UBE2W: variants seen among roughly 807,000 people sequenced by gnomAD.
UBE2W encodes the protein ubiquitin conjugating enzyme E2 W, also known as ubiquitin-conjugating enzyme E2 W.
Under a neutral mutation model 27.2 loss-of-function variants are expected in UBE2W, and 18 were observed. The observed-to-expected ratio is 0.66, with a 90% CI of 0.46 to 0.98. UBE2W has a LOEUF of 0.98. Among genes scored for constraint, UBE2W ranks in the 50% least tolerant of loss-of-function variants. The probability of loss-of-function intolerance (pLI) is 0.00; values close to 1 mark genes in which losing one functional copy is unlikely to be tolerated. For synonymous variants in UBE2W, 53 were observed against 57.2 expected (o/e 0.93, Z 0.33); for missense variants, 90 against 180.2 (o/e 0.50, Z 2.87).
intron 1 of UBE2W, among the ~76,000 whole-genome samples, chr8:73,859,726 T>C (rs554470340): frequency 3.3e-5 from 5 of 152,312 alleles, no homozygotes; most frequent in African/African-American, 1.2e-4. Flanking sequence ...TGGCTTCCTG[T>C]TGTTCAAGGG....
chr8:73,809,182 G>A (rs1301456621), intron 4 of UBE2W, among the ~76,000 whole-genome samples: 1 of 151,978 alleles, frequency 6.6e-6, no homozygotes, highest in Non-Finnish European at 1.5e-5. Context: ...AGCAACAAAT[G>A]AGTAAAAAAA....
Position 73,810,648 on chromosome 8 carries a change from C to A in UBE2W, c.211-19G>T. The A allele has an allele frequency of 6.6e-7, 1 of 1,515,676 alleles. No homozygotes were observed. The highest frequency in any genetic ancestry group is 1.3e-5 in the South Asian group (1 of 76,918). 93.9% of individuals were successfully genotyped at this position (1,515,676 alleles called of 1,614,324 possible). On this transcript the variant is annotated intron_variant, in intron 3 of 5. Transcript: ENST00000602593. ...ACATGACCTAAGAGAGAATAAAATT[C>A]CATTAAAACTCAAATATTCTCTACT...
chr8:73,803,251 G>A (rs903946706), intron 5 of UBE2W, among the ~76,000 whole-genome samples: 5 of 151,842 alleles, frequency 3.3e-5, no homozygotes, highest in Admixed American at 1.3e-4. Context: ...TACAAATACT[G>A]AACCCACAAG....
At chr8:73,794,433 G>T (rs558718189) in intron 5 of UBE2W, among the ~76,000 whole-genome samples, 19 of 152,102 alleles carry the variant, frequency 1.2e-4, no homozygotes, top group African/African-American at 4.6e-4. Flanking sequence ...TTATTTTATG[G>T]GCAACAAGTT....
At position 73,845,118 on chromosome 8, in the gene UBE2W, G is replaced by A. The variant is rs948202870; in HGVS notation, c.16-14646C>T. On this transcript the variant is annotated intron_variant, in intron 1 of 5. Coordinates refer to ENST00000602593, the MANE Select transcript of UBE2W (RefSeq NM_018299.6). Reference sequence around the variant, plus strand: ...GGGGGGCAGCCCCCGCCTGGCCGCCGCCCCGTCTGGGAGGTGGTGGGCGCC... The same window carrying A: ...GGGGGGCAGCCCCCGCCTGGCCGCCACCCCGTCTGGGAGGTGGTGGGCGCC... Among the ~76,000 whole-genome samples, 29 of 32,244 alleles carry A rather than the reference G, an allele frequency of 9.0e-4. 1 individual carries two copies. The highest frequency in any genetic ancestry group is 6.5e-3 in the South Asian group (5 of 768). The allele number at this position is 32,244 out of a possible 152,430, so 21.2% of individuals were successfully genotyped here. A position where few individuals can be genotyped will look rare whatever the true frequency, so the allele number is the denominator to read the frequency against.
chr8:73,851,011 C>T (rs970890416), intron 1 of UBE2W, among the ~76,000 whole-genome samples: 1 of 151,890 alleles, frequency 6.6e-6, no homozygotes, highest in African/African-American at 2.4e-5. Context: ...AGGCATGCAC[C>T]ACCACACCCT....
chr8:73,805,472 C>CAAAAAAAAAAAAACAAAAAAAAAA, intron 5 of UBE2W, among the ~76,000 whole-genome samples, 179 bp downstream of exon 5: 1 of 43,676 alleles, frequency 2.3e-5, no homozygotes, highest in African/African-American at 6.0e-5. Context: ...AAAAAAAAAA[C>CAAAAAAAAAAAAACAAAAAAAAAA]AAAAAAAACT....
chr8:73,874,018 A>C (rs986363864), intron 1 of UBE2W, among the ~76,000 whole-genome samples: 3 of 152,254 alleles, frequency 2.0e-5, no homozygotes, highest in Non-Finnish European at 2.9e-5. Context: ...TATATGTTAA[A>C]ATTGCTAACT....
intron 3 of UBE2W, among the ~76,000 whole-genome samples, chr8:73,820,957 C>T (rs1809588532): frequency 6.6e-6 from 1 of 151,936 alleles, no homozygotes; most frequent in Non-Finnish European, 1.5e-5. Flanking sequence ...CGCACCCCCA[C>T]CCCACCAAAA....
At chr8:73,866,290 A>AAAAAAAAAATATAT (rs1248216873) in intron 1 of UBE2W, among the ~76,000 whole-genome samples, 1 of 43,094 alleles carries the variant, frequency 2.3e-5, no homozygotes, top group African/African-American at 9.9e-5. Flanking sequence ...AAAAAAAAAA[A>AAAAAAAAAATATAT]ATATATATAT....
chr8:73,821,525 G>C (rs1358933269), intron 3 of UBE2W, among the ~76,000 whole-genome samples: 10 of 140,322 alleles, frequency 7.1e-5, no homozygotes, highest in Admixed American at 1.4e-4. Context: ...TGTGTGGTGG[G>C]GGGGTGGAGT....
chr8:73,788,465 A>T lies in UBE2W; in HGVS notation c.*5637T>A, dbSNP rs948623187. The T allele has an allele frequency of 1.0e-6, 1 of 985,316 alleles. No homozygotes were observed. Among genetic ancestry groups the T allele is most frequent in the African/African-American group, 1.7e-5 (1 of 57,236 alleles). The allele number at this position is 985,316 out of a possible 1,614,324, so 61.0% of individuals were successfully genotyped here. The stretch of plus-strand genomic sequence containing the variant: ...AACATGCATTTAGTTTTTGGCTACT[A>T]ATCAACCCAATAATCCATTTTACCT... On this transcript the variant is annotated 3_prime_UTR_variant, in exon 6 of 6. Transcript: ENST00000602593.
At chr8:73,847,933 G>A (rs1198688321) in intron 1 of UBE2W, among the ~76,000 whole-genome samples, 1 of 151,814 alleles carries the variant, frequency 6.6e-6, no homozygotes, top group Admixed American at 6.6e-5. Flanking sequence ...CGGGCACCAT[G>A]GCTCATGCCT....
chr8:73,837,724 G>A (rs1810367153), intron 1 of UBE2W, among the ~76,000 whole-genome samples: 1 of 152,174 alleles, frequency 6.6e-6, no homozygotes, highest in African/African-American at 2.4e-5. Context: ...ACAGGCGCAA[G>A]CCATTGCACC....
At position 73,805,472 on chromosome 8, in the gene UBE2W, C is replaced by CAAAAAAACAAACAAAAAAAAA. The variant is rs1808855322; in HGVS notation, c.442+178_442+179insTTTTTTTTTGTTTGTTTTTTT. Among the ~76,000 whole-genome samples, 21 of 43,696 alleles carry CAAAAAAACAAACAAAAAAAAA rather than the reference C, an allele frequency of 4.8e-4. 1 individual carries two copies. The highest frequency in any genetic ancestry group is 1.9e-3 in the Admixed American group (5 of 2,592). 28.7% of individuals were successfully genotyped at this position (43,696 alleles called of 152,430 possible). On this transcript the variant is annotated intron_variant, in intron 5 of 5. Coordinates refer to ENST00000602593, the MANE Select transcript of UBE2W (RefSeq NM_018299.6). ...TCCATCTCAAAAAAAAAAAAAAAAA[C>CAAAAAAACAAACAAAAAAAAA]AAAAAAAACTAGGGTAATTCATCCA...
intron 5 of UBE2W, among the ~76,000 whole-genome samples, chr8:73,797,085 C>T (rs542857232): frequency 1.1e-4 from 17 of 152,250 alleles, no homozygotes; most frequent in African/African-American, 3.9e-4. Context: ...ACTAAAATTA[C>T]ACTTTCAAAT....
intron 2 of UBE2W, among the ~76,000 whole-genome samples, chr8:73,828,768 T>C (rs913239672): frequency 6.6e-6 from 1 of 152,166 alleles, no homozygotes; most frequent in African/African-American, 2.4e-5. Context: ...ATCCTTTCTG[T>C]TACAATCCAA....
intron 1 of UBE2W, among the ~76,000 whole-genome samples, chr8:73,851,864 C>A (rs1396164643): frequency 5.7e-5 from 6 of 104,836 alleles, no homozygotes; most frequent in African/African-American, 4.4e-4. Flanking sequence ...GGCATGGTGG[C>A]TTCTTGGCCT....
intron 1 of UBE2W, among the ~76,000 whole-genome samples, chr8:73,849,512 CAAAAAAAA>C (rs71269951): frequency 7.9e-4 from 18 of 22,770 alleles, no homozygotes; most frequent in African/African-American, 2.1e-3. Flanking sequence ...AACTCCATCT[CAAAAAAAA>C]AAAAAAAAAA....
Sources: allele counts gnomAD v4.1 joint callset (sites outside exome capture counted in the v4.1 genomes callset), GRCh38; gene constraint gnomAD v4.1.1; transcripts MANE v1.5; gene names NCBI Gene and HGNC (gene_info 2026-07-23, HGNC 2026-07-21).